The following DAB1 variants were observed in gnomAD, a reference collection of about 807,000 sequenced individuals.
DAB1 encodes the protein DAB adaptor protein 1.
DAB1 carries 15 observed loss-of-function variants against 64.6 expected under a neutral mutation model. That is an observed-to-expected ratio of 0.23 (90% CI 0.16 to 0.36). DAB1 has a LOEUF of 0.36. Ranked by LOEUF, DAB1 falls within the 10% of genes least tolerant of loss-of-function variation. DAB1 has a pLI of 1.00. For missense variants in DAB1, 596 were observed against 706.7 expected (o/e 0.84, Z 1.78); for synonymous variants, 235 against 251.9 (o/e 0.93, Z 0.64).
intron 3 of DAB1, among the ~76,000 whole-genome samples, chr1:58,504,719 G>C (rs1645959756): frequency 6.6e-6 from 1 of 152,138 alleles, no homozygotes; most frequent in Non-Finnish European, 1.5e-5. Context: ...TTGCACTAGA[G>C]TTTCTTATCC....
At chr1:58,522,034 A>G (rs1251053853) in intron 2 of DAB1, among the ~76,000 whole-genome samples, 1 of 152,218 alleles carries the variant, frequency 6.6e-6, no homozygotes, top group Non-Finnish European at 1.5e-5. Flanking sequence ...AATTCTAGCA[A>G]TATATTAAGG....
intron 4 of DAB1, among the ~76,000 whole-genome samples, chr1:58,180,639 T>C (rs2100783186): frequency 6.6e-6 from 1 of 152,210 alleles, no homozygotes; most frequent in South Asian, 2.1e-4. Context: ...TTTTCCTCTA[T>C]GTACTGCCTT....
At chr1:58,342,531 T>C (rs934085523) in intron 4 of DAB1, among the ~76,000 whole-genome samples, 13 of 152,178 alleles carry the variant, frequency 8.5e-5, no homozygotes, top group African/African-American at 2.9e-4. Flanking sequence ...TATATCATCC[T>C]TTCTTCTGAA....
At chr1:57,475,243 C>T (rs1311265397) in intron 7 of DAB1, among the ~76,000 whole-genome samples, 1 of 152,160 alleles carries the variant, frequency 6.6e-6, no homozygotes, top group African/African-American at 2.4e-5. Context: ...TGCCACTGCA[C>T]CCCAGCCTGG....
intron 4 of DAB1, among the ~76,000 whole-genome samples, chr1:57,107,204 G>A (rs938669542): frequency 3.3e-5 from 5 of 151,938 alleles, no homozygotes; most frequent in Admixed American, 6.6e-5. Context: ...GTGAAACCCC[G>A]TCCCTACTGA....
intron 1 of DAB1, among the ~76,000 whole-genome samples, chr1:57,831,149 G>A (rs547967553): frequency 1.2e-4 from 19 of 152,180 alleles, no homozygotes; most frequent in African/African-American, 2.4e-4. Context: ...TCCTGACCCC[G>A]TGGTCCGCCC....
chr1:58,473,369 C>T (rs1414267502), intron 3 of DAB1, among the ~76,000 whole-genome samples: 14 of 151,348 alleles, frequency 9.3e-5, no homozygotes, highest in Admixed American at 1.3e-4. Flanking sequence ...GGTGAAACCC[C>T]GTCTCTACTA....
chr1:57,791,016 T>C (rs1294947586), intron 6 of DAB1, among the ~76,000 whole-genome samples: 1 of 152,190 alleles, frequency 6.6e-6, no homozygotes. Flanking sequence ...TACTATTTAG[T>C]CCTAATCTGC....
At chr1:57,696,385 T>C (rs760682509) in intron 6 of DAB1, among the ~76,000 whole-genome samples, 9 of 152,002 alleles carry the variant, frequency 5.9e-5, no homozygotes, top group Non-Finnish European at 1.3e-4. Flanking sequence ...TGTGGTGCAG[T>C]TGGGAGAGGA....
At chr1:57,831,693 C>T (rs570676898) in intron 1 of DAB1, among the ~76,000 whole-genome samples, 40 of 151,954 alleles carry the variant, frequency 2.6e-4, no homozygotes, top group African/African-American at 9.6e-4. Context: ...CAGGTGCATG[C>T]CATTGTGCCT....
intron 5 of DAB1, among the ~76,000 whole-genome samples, chr1:57,993,810 A>G (rs910732431): frequency 6.6e-6 from 1 of 152,196 alleles, no homozygotes; most frequent in African/African-American, 2.4e-5. Context: ...TCCTTAGGTC[A>G]AAGAAAGTTC....
intron 9 of DAB1, among the ~76,000 whole-genome samples, chr1:57,034,468 G>A (rs1647071623): frequency 6.6e-6 from 1 of 152,106 alleles, no homozygotes; most frequent in Admixed American, 6.6e-5. Flanking sequence ...TTCTCAAGCA[G>A]CTGGTAGAGG....
chr1:57,387,885 C>T (rs1277870873), intron 1 of DAB1, among the ~76,000 whole-genome samples: 2 of 151,918 alleles, frequency 1.3e-5, no homozygotes, highest in Non-Finnish European at 2.9e-5. Flanking sequence ...TGGTACCAGC[C>T]CTTCCACCAG....
At chr1:58,332,008 T>C (rs993259777) in intron 4 of DAB1, among the ~76,000 whole-genome samples, 3 of 152,208 alleles carry the variant, frequency 2.0e-5, no homozygotes, top group Admixed American at 6.5e-5. Flanking sequence ...CTGTGAAATA[T>C]AACACTGTCT....
chr1:57,167,677 T>C (rs1367827589), intron 2 of DAB1, among the ~76,000 whole-genome samples: 2 of 152,132 alleles, frequency 1.3e-5, no homozygotes, highest in Non-Finnish European at 2.9e-5. Flanking sequence ...ATTACCAATT[T>C]CTCCTTTACC....
At chr1:58,448,343 A>G (rs933107308) in intron 3 of DAB1, among the ~76,000 whole-genome samples, 8 of 152,204 alleles carry the variant, frequency 5.3e-5, no homozygotes, top group African/African-American at 1.9e-4. Context: ...AGATAGATAG[A>G]TAAGATAGGT....
intron 4 of DAB1, among the ~76,000 whole-genome samples, chr1:57,107,136 G>T (rs1655238386): frequency 1.3e-5 from 2 of 151,942 alleles, no homozygotes; most frequent in Non-Finnish European, 2.9e-5. Flanking sequence ...GCACTTTGGG[G>T]GGCTGAGGCA....
At chr1:57,799,562 GA>G (rs10718933) in intron 6 of DAB1, among the ~76,000 whole-genome samples, 82,957 of 123,650 alleles carry the variant, frequency 0.67, 26,393 homozygotes, top group African/African-American at 0.74. Flanking sequence ...TTTGAGATGA[GA>G]AAAAAAAAAA....
intron 4 of DAB1, among the ~76,000 whole-genome samples, chr1:58,327,468 T>C (rs1426175050): frequency 6.6e-6 from 1 of 152,186 alleles, no homozygotes; most frequent in Admixed American, 6.5e-5. Context: ...GAGCAATGGT[T>C]AAGGACAAGG....
Sources: gnomAD v4.1 joint callset for allele counts (sites outside exome capture counted in the v4.1 genomes callset) on GRCh38, gnomAD v4.1.1 for gene constraint, MANE v1.5 for transcripts, NCBI Gene and HGNC (gene_info 2026-07-23, HGNC 2026-07-21) for gene names.